The following ANXA8 variants were observed in gnomAD, a reference collection of about 807,000 sequenced individuals.
The protein encoded by ANXA8 is annexin A8.
A neutral mutation model predicts 26.8 loss-of-function variants in ANXA8; 9 were observed. The ratio of observed to expected loss-of-function variants is 0.34; its 90% CI spans 0.20 to 0.59. The LOEUF (loss-of-function observed/expected upper bound fraction) is 0.59. Among genes scored for constraint, ANXA8 ranks in the 20% least tolerant of loss-of-function variants. The pLI is 0.84. For synonymous variants in ANXA8, 39 were observed against 94.8 expected (o/e 0.41, Z 3.42); for missense variants, 83 against 238.5 (o/e 0.35, Z 4.29).
chr10:47,562,603 G>A, the ANXA8 span, among the ~76,000 whole-genome samples: 2 of 72,668 alleles, frequency 2.8e-5, no homozygotes, highest in African/African-American at 1.2e-4. Flanking sequence ...AACTTGGAAG[G>A]GTAATTGACC....
chr10:47,555,534 A>G, the ANXA8 span, among the ~76,000 whole-genome samples: 151 of 151,736 alleles, frequency 1.0e-3, 4 homozygotes, highest in African/African-American at 3.2e-3. Flanking sequence ...TCCTAATCGG[A>G]CTCTGACCAA....
the ANXA8 span, among the ~76,000 whole-genome samples, chr10:47,981,884 T>A: frequency 1.3e-5 from 2 of 152,076 alleles, no homozygotes; most frequent in African/African-American, 4.8e-5. Flanking sequence ...TTCAATGCAA[T>A]CTTGATTGAA....
the ANXA8 span, among the ~76,000 whole-genome samples, chr10:47,527,638 C>CAAA: frequency 7.0e-6 from 1 of 142,146 alleles, no homozygotes; most frequent in Middle Eastern, 3.6e-3. Context: ...GCTATGGCAA[C>CAAA]TTAGTGATTG....
chr10:47,547,342 A>G, the ANXA8 span, among the ~76,000 whole-genome samples: 40 of 140,104 alleles, frequency 2.9e-4, 5 homozygotes, highest in East Asian at 8.9e-4. Flanking sequence ...TACATGAAAA[A>G]AGCAAAGCAT....
At chr10:47,546,066 C>G in the ANXA8 span, among the ~76,000 whole-genome samples, 1 of 106,196 alleles carries the variant, frequency 9.4e-6, no homozygotes, top group Non-Finnish European at 1.9e-5. Context: ...CCTAAGAAAT[C>G]CTAATTTAAA....
chr10:47,587,325 C>G, the ANXA8 span, among the ~76,000 whole-genome samples: 1 of 148,878 alleles, frequency 6.7e-6, no homozygotes, highest in South Asian at 2.1e-4. Flanking sequence ...TAAACTAACT[C>G]ATTTTATAGA....
the ANXA8 span, chr10:47,502,522 C>T: frequency 1.2e-6 from 2 of 1,613,086 alleles, no homozygotes; most frequent in South Asian, 1.1e-5. Flanking sequence ...TAGCTCATTG[C>T]CAATAGATGA....
the ANXA8 span, among the ~76,000 whole-genome samples, chr10:47,925,177 TAGCCCAGAATTTGC>T: frequency 2.0e-5 from 2 of 101,772 alleles, no homozygotes; most frequent in Non-Finnish European, 3.8e-5. Flanking sequence ...ATGTGCATCA[TAGCCCAGAATTTGC>T]ATGATAACAT....
chr10:47,733,201 CT>C, the ANXA8 span, among the ~76,000 whole-genome samples: 4 of 89,376 alleles, frequency 4.5e-5, no homozygotes, highest in East Asian at 9.0e-4. Context: ...TTCTTTCTTT[CT>C]TTCTTTCTTT....
the ANXA8 span, among the ~76,000 whole-genome samples, chr10:47,937,550 ATTAT>A: frequency 7.1e-6 from 1 of 141,188 alleles, no homozygotes; most frequent in Non-Finnish European, 1.6e-5. Flanking sequence ...TGTTGCACAG[ATTAT>A]TTAATCACTC....
chr10:47,617,864 T>C, the ANXA8 span, among the ~76,000 whole-genome samples: 213 of 141,392 alleles, frequency 1.5e-3, no homozygotes, highest in Non-Finnish European at 2.5e-3. Context: ...AGAGACTTAG[T>C]ATATGAACAG....
the ANXA8 span, among the ~76,000 whole-genome samples, chr10:47,736,809 C>T: frequency 7.0e-6 from 1 of 142,990 alleles, no homozygotes; most frequent in Non-Finnish European, 1.5e-5. Context: ...TGTGCACCAC[C>T]ATGCCCAGCT....
At chr10:47,737,327 C>A in the ANXA8 span, among the ~76,000 whole-genome samples, 2 of 151,424 alleles carry the variant, frequency 1.3e-5, no homozygotes, top group African/African-American at 2.4e-5. Flanking sequence ...GTATTTAAAT[C>A]TTTAATTATC....
chr10:47,577,482 A>G, the ANXA8 span, among the ~76,000 whole-genome samples: 1 of 147,892 alleles, frequency 6.8e-6, no homozygotes, highest in Non-Finnish European at 1.5e-5. Context: ...TAGCCTGGAC[A>G]ACATAGTGAG....
chr10:47,904,283 T>A, the ANXA8 span, among the ~76,000 whole-genome samples: 14 of 142,242 alleles, frequency 9.8e-5, no homozygotes, highest in East Asian at 2.8e-3. Context: ...TGCCTTGGCT[T>A]CCCAAAGTGC....
the ANXA8 span, among the ~76,000 whole-genome samples, chr10:47,896,850 A>G: frequency 6.6e-6 from 1 of 152,092 alleles, no homozygotes; most frequent in African/African-American, 2.4e-5. Context: ...AATTGTGAAA[A>G]AAGTCACAAT....
chr10:47,702,269 A>G, the ANXA8 span, among the ~76,000 whole-genome samples: 4 of 151,056 alleles, frequency 2.6e-5, no homozygotes, highest in Non-Finnish European at 5.9e-5. Context: ...CACAGCACAG[A>G]TGCAGTTACT....
At chr10:47,734,502 G>A in the ANXA8 span, among the ~76,000 whole-genome samples, 1 of 148,422 alleles carries the variant, frequency 6.7e-6, no homozygotes, top group African/African-American at 2.6e-5. Context: ...CTTATTAAAG[G>A]ATCAGCTTAT....
chr10:47,522,310 T>C, the ANXA8 span, among the ~76,000 whole-genome samples: 1 of 146,794 alleles, frequency 6.8e-6, no homozygotes, highest in South Asian at 2.2e-4. Flanking sequence ...AAATAAAGTC[T>C]GTTAAGTCAC....
Sources: allele counts gnomAD v4.1 joint callset (sites outside exome capture counted in the v4.1 genomes callset), GRCh38; gene constraint gnomAD v4.1.1; transcripts MANE v1.5; gene names NCBI Gene and HGNC (gene_info 2026-07-23, HGNC 2026-07-21).